Variants in DCAF17 observed in about 807,000 individuals in gnomAD.
DCAF17 encodes DDB1- and CUL4-associated factor 17.
In DCAF17, 48 loss-of-function variants were observed where a neutral mutation model predicts 66.0. The observed-to-expected ratio is 0.73, with a 90% CI of 0.58 to 0.92. The LOEUF (loss-of-function observed/expected upper bound fraction) is 0.92. Ranked by LOEUF, DCAF17 falls within the 40% of genes least tolerant of loss-of-function variation. The probability of loss-of-function intolerance (pLI) is 0.00; values close to 1 mark genes in which losing one functional copy is unlikely to be tolerated. For missense variants in DCAF17, 562 were observed against 622.8 expected (o/e 0.90, Z 1.04); for synonymous variants, 206 against 214.6 (o/e 0.96, Z 0.35).
At chr2:171,454,084 G>A (rs1695105430) in intron 6 of DCAF17, among the ~76,000 whole-genome samples, 1 of 151,716 alleles carries the variant, frequency 6.6e-6, no homozygotes, top group Admixed American at 6.6e-5. Flanking sequence ...GCAGGAGAAT[G>A]GTTTGAGCCC....
At position 171,484,933 on chromosome 2, in the gene DCAF17, G is replaced by A. The variant is rs141563827; in HGVS notation, c.*3819G>A. 4.5e-4 allele frequency: 205 copies of A among 453,940 alleles called. No homozygotes were observed. Among genetic ancestry groups the A allele is most frequent in the African/African-American group, 3.6e-3 (180 of 50,084 alleles). 28.1% of individuals were successfully genotyped at this position (453,940 alleles called of 1,614,324 possible). ...GTGATTCATTTCTTTTTATTGCTGAGTATTCTTTCGTATGAATATATCACA... is the reference window on the plus strand; with the variant it reads ...GTGATTCATTTCTTTTTATTGCTGAATATTCTTTCGTATGAATATATCACA... On this transcript the variant is annotated 3_prime_UTR_variant, in exon 14 of 14. Coordinates refer to ENST00000375255, the MANE Select transcript of DCAF17 (RefSeq NM_025000.4).
intron 8 of DCAF17, among the ~76,000 whole-genome samples, chr2:171,464,254 C>A (rs1390956550): frequency 2.0e-5 from 3 of 152,152 alleles, no homozygotes; most frequent in Non-Finnish European, 4.4e-5. Flanking sequence ...CAGCTTTAAA[C>A]AATGGAAATT....
At chr2:171,455,583 C>G (rs1389346923) in intron 6 of DCAF17, among the ~76,000 whole-genome samples, 1 of 152,132 alleles carries the variant, frequency 6.6e-6, no homozygotes, top group East Asian at 1.9e-4. Flanking sequence ...TTTGAGGAAC[C>G]ACCACACTGT....
Position 171,453,131 on chromosome 2 carries a change from T to G in DCAF17, c.545T>G (p.Ile182Ser), listed in dbSNP as rs939540777. ...TGTAGTCTTTCCTTCTAGGCAGGCA[T>G]TCAACAACATGTTTTGCTGTACCTT... Reference protein sequence around the residue: ...RGSAVARQAGIQQHVLLYLAV... With the variant: ...RGSAVARQAGSQQHVLLYLAV... The change falls in exon 6 of 14, where the codon ATT becomes AGT. Residue 182 changes from isoleucine (I) to serine (S), a missense_variant. Physicochemically the swap from Ile to Ser is moderately radical, Grantham distance 142. Transcript: ENST00000375255. 2 of 1,608,084 alleles carry G rather than the reference T, an allele frequency of 1.2e-6. No homozygotes were observed. The highest frequency in any genetic ancestry group is 2.7e-5 in the African/African-American group (2 of 74,776).
intron 4 of DCAF17, 118 bp from the exon 5 acceptor site, chr2:171,449,761 A>C (rs1477409355): frequency 2.0e-5 from 13 of 650,052 alleles, no homozygotes; most frequent in Non-Finnish European, 3.2e-5. Context: ...AAAATAGATC[A>C]CTTTGCTTTT....
chr2:171,480,399 A>C (rs926018405), intron 13 of DCAF17, among the ~76,000 whole-genome samples: 4 of 151,000 alleles, frequency 2.6e-5, no homozygotes, highest in African/African-American at 9.8e-5. Flanking sequence ...AGTGGCCTTA[A>C]AGATAAAACT....
intron 8 of DCAF17, among the ~76,000 whole-genome samples, chr2:171,461,965 T>A (rs1158909689): frequency 3.3e-5 from 5 of 152,228 alleles, no homozygotes; most frequent in Non-Finnish European, 7.3e-5. Context: ...TTGAGATTCG[T>A]TTCATGTTGT....
chr2:171,479,707 T>A (rs997521850), intron 12 of DCAF17: 1 of 325,498 alleles, frequency 3.1e-6, no homozygotes, highest in South Asian at 2.7e-5. Flanking sequence ...CAAACACACT[T>A]GTGAGAGGCA....
intron 3 of DCAF17, chr2:171,447,454 G>C (rs190449572): frequency 1.2e-5 from 3 of 243,960 alleles, no homozygotes; most frequent in Admixed American, 5.5e-5. Context: ...TCCACCTCCC[G>C]GGTTCAAGTG....
intron 2 of DCAF17, among the ~76,000 whole-genome samples, chr2:171,442,970 T>TA (rs1694390647): frequency 1.3e-5 from 2 of 151,944 alleles, no homozygotes; most frequent in Admixed American, 1.3e-4. Flanking sequence ...ACATCAAAGA[T>TA]ATAGCATTCA....
In DCAF17 at chr2:171,458,042, CA is replaced by C; in HGVS notation, c.700del (p.Arg234AspfsTer19). On this transcript the variant is annotated frameshift_variant, in exon 7 of 14. Transcript: ENST00000375255. LOFTEE classifies it high-confidence loss of function. ...LIVMYSSGLV[R>X]LYSFQTIAEQ... Reference sequence around the variant, plus strand: ...TTGTGATGTACAGCTCAGGACTGGTCAGACTCTATAGCTTCCAAACCATCGC... The same window carrying C: ...TTGTGATGTACAGCTCAGGACTGGTCGACTCTATAGCTTCCAAACCATCGC... 6.2e-7 allele frequency: 1 copy of C among 1,613,994 alleles called. No individual in the cohort carries two copies. The highest frequency in any genetic ancestry group is 8.5e-7 in the Non-Finnish European group (1 of 1,179,962).
Position 171,483,374 on chromosome 2 carries a change from G to T in DCAF17, c.*2260G>T, listed in dbSNP as rs1195699452. Reference sequence around the variant, plus strand: ...GTTTAATGCAAGCCCAGGTGAAGCAGGGTAGCTTCCATCAGCAGGTACAGA... The same window carrying T: ...GTTTAATGCAAGCCCAGGTGAAGCATGGTAGCTTCCATCAGCAGGTACAGA... On this transcript the variant is annotated 3_prime_UTR_variant, in exon 14 of 14. Coordinates refer to ENST00000375255, the MANE Select transcript of DCAF17 (RefSeq NM_025000.4). 18 of 454,022 alleles carry T rather than the reference G, an allele frequency of 4.0e-5. No individual in the cohort carries two copies. The Admixed American group carries it at 4.2e-4, about 11-fold the overall frequency. 28.1% of individuals were successfully genotyped at this position (454,022 alleles called of 1,614,324 possible).
At chr2:171,441,149 T>C (rs566100145) in intron 2 of DCAF17, among the ~76,000 whole-genome samples, 1 of 152,302 alleles carries the variant, frequency 6.6e-6, no homozygotes, top group Admixed American at 6.5e-5. Context: ...TTGTTAGTGC[T>C]CCTAGGCCTT....
intron 9 of DCAF17, among the ~76,000 whole-genome samples, chr2:171,472,484 A>T (rs953711868): frequency 2.0e-5 from 3 of 152,138 alleles, no homozygotes; most frequent in Admixed American, 6.6e-5. Context: ...CGGCCGATTA[A>T]CACTTCTGTA....
At chr2:171,441,950 C>T (rs1326885701) in intron 2 of DCAF17, among the ~76,000 whole-genome samples, 5 of 152,020 alleles carry the variant, frequency 3.3e-5, no homozygotes, top group African/African-American at 9.7e-5. Flanking sequence ...ATTATCACAC[C>T]TAGGAAAATG....
In DCAF17 at chr2:171,481,652, T is replaced by G. The variant is rs1411014324; in HGVS notation, c.*538T>G. On this transcript the variant is annotated 3_prime_UTR_variant, in exon 14 of 14. Coordinates refer to ENST00000375255, the MANE Select transcript of DCAF17 (RefSeq NM_025000.4). ...GTTTTTAAAAATCTTATATATGTATTTATATGTGTTTCGTATTTGTATATA... is the reference window on the plus strand; with the variant it reads ...GTTTTTAAAAATCTTATATATGTATGTATATGTGTTTCGTATTTGTATATA... The G allele has an allele frequency of 2.2e-6, 1 of 453,416 alleles. No homozygotes were observed. Among genetic ancestry groups the G allele is most frequent in the East Asian group, 6.9e-5 (1 of 14,402 alleles). The allele number at this position is 453,416 out of a possible 1,614,324, so 28.1% of individuals were successfully genotyped here.
At chr2:171,476,762 T>C in intron 10 of DCAF17, 98 bp from the exon 11 acceptor site, 1 of 805,298 alleles carries the variant, frequency 1.2e-6, no homozygotes, top group Non-Finnish European at 2.1e-6. Context: ...AGTGTTACTA[T>C]AATTTTTATT....
chr2:171,474,284 G>A (rs535172332), intron 10 of DCAF17: 4 of 355,382 alleles, frequency 1.1e-5, no homozygotes, highest in South Asian at 1.1e-4. Context: ...AAGAGTATTT[G>A]TCTTTGTTCT....
chr2:171,438,621 A>G (rs763726200), intron 2 of DCAF17, among the ~76,000 whole-genome samples: 4 of 152,172 alleles, frequency 2.6e-5, no homozygotes, highest in Non-Finnish European at 5.9e-5. Context: ...ATCCCTGGTA[A>G]TGTTCCTTGC....
Sources: allele counts gnomAD v4.1 joint callset (sites outside exome capture counted in the v4.1 genomes callset), GRCh38; gene constraint gnomAD v4.1.1; transcripts MANE v1.5; gene names NCBI Gene and HGNC (gene_info 2026-07-23, HGNC 2026-07-21).